The following DNAI3 variants were observed in gnomAD, a reference collection of about 807,000 sequenced individuals.
DNAI3 encodes WD repeat domain 63.
A neutral mutation model predicts 115.5 loss-of-function variants in DNAI3; 83 were observed. That is an observed-to-expected ratio of 0.72 (90% CI 0.60 to 0.86). The LOEUF is 0.86. Ranked by LOEUF, DNAI3 falls within the 40% of genes least tolerant of loss-of-function variation. The pLI is 0.00. For missense variants in DNAI3, 1,004 were observed against 1,075.8 expected (o/e 0.93, Z 0.93); for synonymous variants, 320 against 347.0 (o/e 0.92, Z 0.86).
chr1:85,088,600 A>G (rs1654866131), intron 7 of DNAI3, among the ~76,000 whole-genome samples: 1 of 152,208 alleles, frequency 6.6e-6, no homozygotes. Context: ...CTTTACACAC[A>G]TCAATTCAAT....
intron 15 of DNAI3, among the ~76,000 whole-genome samples, chr1:85,108,475 A>G (rs568719508): frequency 1.3e-5 from 2 of 152,334 alleles, no homozygotes; most frequent in South Asian, 2.1e-4. Context: ...AAAGCTGACA[A>G]TGAAGAAGTA....
At chr1:85,080,093 C>T (rs1654587783) in intron 3 of DNAI3, among the ~76,000 whole-genome samples, 1 of 129,746 alleles carries the variant, frequency 7.7e-6, no homozygotes, top group East Asian at 2.3e-4. Context: ...CCTCTGTTGT[C>T]CAGGCTGGGG....
chr1:85,107,856 C>T (rs765003960), intron 14 of DNAI3, among the ~76,000 whole-genome samples, 177 bp from the exon 15 acceptor site: 1 of 152,120 alleles, frequency 6.6e-6, no homozygotes, highest in Non-Finnish European at 1.5e-5. Flanking sequence ...ACTCAATAAA[C>T]AGTTTAATTC....
chr1:85,130,031 T>A lies in DNAI3; in HGVS notation c.2451T>A (p.His817Gln). Residue 817 changes from histidine to glutamine, a missense_variant, in exon 22 of 23, where the codon CAT becomes CAA. Physicochemically the swap from His to Gln is conservative, Grantham distance 24. Transcript: ENST00000294664. ...ACTATTTTGAAAGAGAAGTCAAGCA[T>A]CTGGAATACGTAGAACAGCGCAAAA... ...VNHYFEREVK[H>Q]LEYVEQRKKI... 1.2e-6 allele frequency: 2 copies of A among 1,613,172 alleles called. No individual in the cohort carries two copies.
chr1:85,091,748 C>T (rs2100578474), intron 8 of DNAI3, among the ~76,000 whole-genome samples: 1 of 152,232 alleles, frequency 6.6e-6, no homozygotes, highest in Middle Eastern at 3.4e-3. Context: ...AGAAACCTTC[C>T]TTTCGGGGTT....
chr1:85,131,724 C>G (rs970343277), intron 22 of DNAI3, among the ~76,000 whole-genome samples: 2 of 152,074 alleles, frequency 1.3e-5, no homozygotes, highest in Admixed American at 1.3e-4. Context: ...GAGAATCTGC[C>G]ACCCTTCCCC....
Position 85,093,401 on chromosome 1 carries a change from C to T in DNAI3, c.858-57C>T. ...GGAGGAGGAGTTGCTAAGATAGTCA[C>T]ATTATTGGATACTAAAAACCAATAT... On this transcript the variant is annotated intron_variant, in intron 8 of 22. Transcript: ENST00000294664. 3 of 1,514,254 alleles carry T rather than the reference C, an allele frequency of 2.0e-6. 1 individual carries two copies. The highest frequency in any genetic ancestry group is 2.3e-5 in the South Asian group (2 of 85,532). 93.8% of individuals were successfully genotyped at this position (1,514,254 alleles called of 1,614,324 possible).
At chr1:85,084,735 G>A (rs1471106334) in intron 6 of DNAI3, 40 bp downstream of exon 6, 2 of 1,374,798 alleles carry the variant, frequency 1.5e-6, no homozygotes, top group Non-Finnish European at 1.9e-6. Flanking sequence ...TTACCTCCCT[G>A]TAGCTGAACA....
chr1:85,100,280 AAAAC>A (rs1445538495), intron 13 of DNAI3, among the ~76,000 whole-genome samples: 10 of 152,220 alleles, frequency 6.6e-5, no homozygotes, highest in African/African-American at 1.9e-4. Context: ...TTACAAGAAA[AAAAC>A]AAACAACCCC....
At chr1:85,078,547 G>A (rs2100563368) in intron 3 of DNAI3, among the ~76,000 whole-genome samples, 2 of 152,284 alleles carry the variant, frequency 1.3e-5, no homozygotes, top group South Asian at 4.2e-4. Context: ...AGGCTCCAGG[G>A]AGCCCATCTC....
chr1:85,083,984 G>A (rs1184820969), intron 5 of DNAI3, among the ~76,000 whole-genome samples: 2 of 151,390 alleles, frequency 1.3e-5, no homozygotes, highest in African/African-American at 2.4e-5. Flanking sequence ...AAAATTCTAG[G>A]ATCTATCAAT....
chr1:85,106,658 ATGTACTAGAAC>A (rs1302771379), intron 14 of DNAI3, among the ~76,000 whole-genome samples: 5 of 152,246 alleles, frequency 3.3e-5, no homozygotes, highest in Non-Finnish European at 7.3e-5. Flanking sequence ...ATAGAGACAG[ATGTACTAGAAC>A]TAGCATAACA....
intron 1 of DNAI3, among the ~76,000 whole-genome samples, chr1:85,063,312 A>G (rs1166003866): frequency 7.0e-6 from 1 of 141,864 alleles, no homozygotes; most frequent in Non-Finnish European, 1.6e-5. Context: ...AGATGCCTGC[A>G]TGGTGTGGAC....
intron 21 of DNAI3, 82 bp downstream of exon 21, chr1:85,128,881 C>G: frequency 7.6e-7 from 1 of 1,312,012 alleles, no homozygotes; most frequent in Non-Finnish European, 1.1e-6. Context: ...TTAGAAATGA[C>G]AGCATTTTTG....
rs1464976849 is a variant in DNAI3, at chr1:85,084,713, G to T, written c.540+18G>T. On this transcript the variant is annotated intron_variant, in intron 6 of 22. Coordinates refer to ENST00000294664, the MANE Select transcript of DNAI3 (RefSeq NM_145172.5). The stretch of plus-strand genomic sequence containing the variant: ...CAAAGCAGGTTAGAGGGTTATATAT[G>T]ATCTGTAATCATTACCTCCCTGTAG... 3 of 1,455,282 alleles carry T rather than the reference G, an allele frequency of 2.1e-6. No individual in the cohort carries two copies. Among genetic ancestry groups the T allele is most frequent in the South Asian group, 3.1e-5 (2 of 63,542 alleles). 90.1% of individuals were successfully genotyped at this position (1,455,282 alleles called of 1,614,324 possible). A position where few individuals can be genotyped will look rare whatever the true frequency, so the allele number is the denominator to read the frequency against.
chr1:85,127,952 T>A (rs1656196934), intron 20 of DNAI3, among the ~76,000 whole-genome samples: 2 of 151,248 alleles, frequency 1.3e-5, no homozygotes. Flanking sequence ...AGACCCTGTC[T>A]CTACAAAAAA....
At chr1:85,110,313 T>C (rs1265663934) in intron 16 of DNAI3, among the ~76,000 whole-genome samples, 178 bp downstream of exon 16, 1 of 151,524 alleles carries the variant, frequency 6.6e-6, no homozygotes, top group Non-Finnish European at 1.5e-5. Flanking sequence ...TAGCCGGGCT[T>C]AGTGGCGGGC....
chr1:85,116,072 C>T (rs573221719), intron 16 of DNAI3, among the ~76,000 whole-genome samples: 1 of 152,298 alleles, frequency 6.6e-6, no homozygotes, highest in South Asian at 2.1e-4. Context: ...TTCCTGGCTC[C>T]ATTTCACCTT....
intron 17 of DNAI3, among the ~76,000 whole-genome samples, chr1:85,121,326 A>C (rs1432018645): frequency 1.3e-5 from 2 of 152,370 alleles, no homozygotes; most frequent in African/African-American, 2.4e-5. Flanking sequence ...AATTACTACC[A>C]TGTATGCATT....
Sources: allele counts gnomAD v4.1 joint callset (sites outside exome capture counted in the v4.1 genomes callset), GRCh38; gene constraint gnomAD v4.1.1; transcripts MANE v1.5; gene names NCBI Gene and HGNC (gene_info 2026-07-23, HGNC 2026-07-21).